UFC1: variants seen among roughly 807,000 people sequenced by gnomAD.
The protein encoded by UFC1 is ubiquitin-fold modifier-conjugating enzyme 1.
In UFC1, 22 loss-of-function variants were observed where a neutral mutation model predicts 28.0. That is an observed-to-expected ratio of 0.78 (90% CI 0.56 to 1.12). The LOEUF is 1.12. Ranked by LOEUF, UFC1 falls within the 50% of genes most tolerant of loss-of-function variation. The pLI is 0.00. For synonymous variants in UFC1, 61 were observed against 74.5 expected (o/e 0.82, Z 0.93); for missense variants, 189 against 207.8 (o/e 0.91, Z 0.56).
intron 1 of UFC1, 129 bp from the exon 2 acceptor site, chr1:161,156,821 G>T (rs989031880): frequency 1.2e-6 from 1 of 808,354 alleles, no homozygotes; most frequent in East Asian, 2.6e-5. Context: ...CAGCCTGTGC[G>T]ACGGGAGCGA....
chr1:161,156,636 G>A (rs1657514332), intron 1 of UFC1, among the ~76,000 whole-genome samples: 1 of 151,602 alleles, frequency 6.6e-6, no homozygotes, highest in African/African-American at 2.4e-5. Flanking sequence ...GGGGTCAGGA[G>A]TTCGAGACCA....
intron 4 of UFC1, 35 bp from the exon 5 acceptor site, chr1:161,158,086 T>TGCATGTCAACA (rs757596951): frequency 3.8e-6 from 6 of 1,580,522 alleles, no homozygotes; most frequent in Non-Finnish European, 5.2e-6. Context: ...TGGTAAACTT[T>TGCATGTCAACA]GCATGTCAAC....
In UFC1 at chr1:161,157,609, T is replaced by C. The variant is rs754867807; in HGVS notation, c.256-8T>C. The C allele has an allele frequency of 6.2e-7, 1 of 1,612,010 alleles. No individual in the cohort carries two copies. Among genetic ancestry groups the C allele is most frequent in the Admixed American group, 1.7e-5 (1 of 60,000 alleles). On this transcript the variant is annotated splice_polypyrimidine_tract_variant and splice_region_variant and intron_variant, in intron 3 of 5. Coordinates refer to ENST00000368003, the MANE Select transcript of UFC1 (RefSeq NM_016406.4). Reference sequence around the variant, plus strand: ...TTCTGTTTTATTAAGGTTTTATAATTTCTCCAGATTCCTATCACATATCCT... The same window carrying C: ...TTCTGTTTTATTAAGGTTTTATAATCTCTCCAGATTCCTATCACATATCCT...
chr1:161,156,823 C>T (rs1021570122), intron 1 of UFC1, 127 bp from the exon 2 acceptor site: 20 of 819,876 alleles, frequency 2.4e-5, no homozygotes, highest in Non-Finnish European at 3.1e-5. Context: ...GCCTGTGCGA[C>T]GGGAGCGAGA....
Position 161,158,168 on chromosome 1 carries a change from G to A in UFC1, c.380G>A (p.Arg127Lys). 6.2e-7 allele frequency: 1 copy of A among 1,614,178 alleles called. No homozygotes were observed. The highest frequency in any genetic ancestry group is 8.5e-7 in the Non-Finnish European group (1 of 1,180,030). Reference protein sequence around the residue: ...LTDHFKPLWARNVPKFGLAHL... With the variant: ...LTDHFKPLWAKNVPKFGLAHL... ...GATCATTTCAAACCTTTGTGGGCCAGGAATGTGCCCAAATTTGGACTAGCT... is the reference window on the plus strand; with the variant it reads ...GATCATTTCAAACCTTTGTGGGCCAAGAATGTGCCCAAATTTGGACTAGCT... The change falls in exon 5 of 6, where the codon AGG becomes AAG. Residue 127 changes from arginine (R) to lysine (K), a missense_variant. Transcript: ENST00000368003.
At chr1:161,157,194 G>T (rs1657540301) in intron 2 of UFC1, 60 bp from the exon 3 acceptor site, 5 of 1,607,878 alleles carry the variant, frequency 3.1e-6, no homozygotes, top group Admixed American at 1.7e-5. Context: ...CCTAAGCCAA[G>T]ATATCATTTG....
At chr1:161,157,538 C>T in intron 3 of UFC1, 79 bp from the exon 4 acceptor site, 1 of 1,451,668 alleles carries the variant, frequency 6.9e-7, no homozygotes, top group Non-Finnish European at 9.6e-7. Flanking sequence ...TTCAGTTTAA[C>T]CAAGAAATAT....
In UFC1 at chr1:161,158,443, A is replaced by G; in HGVS notation, c.455A>G (p.Asp152Gly). Residue 152 changes from aspartate to glycine, a missense_variant, in exon 6 of 6, where the codon GAT becomes GGT. Physicochemically the swap from Asp to Gly is moderately conservative, Grantham distance 94 (BLOSUM62 -1). Coordinates refer to ENST00000368003, the MANE Select transcript of UFC1 (RefSeq NM_016406.4). ...LGPWLAVEIP[D>G]LIQKGVIQHK... Reference sequence around the variant, plus strand: ...CCATGGCTGGCAGTGGAAATCCCTGATCTGATTCAGAAGGGCGTCATCCAA... The same window carrying G: ...CCATGGCTGGCAGTGGAAATCCCTGGTCTGATTCAGAAGGGCGTCATCCAA... The G allele has an allele frequency of 6.2e-7, 1 of 1,614,188 alleles. No individual in the cohort carries two copies. The highest frequency in any genetic ancestry group is 8.5e-7 in the Non-Finnish European group (1 of 1,180,032).
In UFC1 at chr1:161,158,824, A is replaced by C. The variant is rs376494659; in HGVS notation, c.*332A>C. ...CATATAGTCTTTCTGGTTTCTGGAGATAACCCATCAATAAAAGCTGCTTCC... is the reference window on the plus strand; with the variant it reads ...CATATAGTCTTTCTGGTTTCTGGAGCTAACCCATCAATAAAAGCTGCTTCC... On this transcript the variant is annotated 3_prime_UTR_variant, in exon 6 of 6. Transcript: ENST00000368003. 2 of 276,594 alleles carry C rather than the reference A, an allele frequency of 7.2e-6. No individual in the cohort carries two copies. Among genetic ancestry groups the C allele is most frequent in the Admixed American group, 4.4e-5 (1 of 22,586 alleles). 17.1% of individuals were successfully genotyped at this position (276,594 alleles called of 1,614,324 possible).
At chr1:161,154,403 G>A (rs1657449761) in intron 1 of UFC1, among the ~76,000 whole-genome samples, 1 of 152,154 alleles carries the variant, frequency 6.6e-6, no homozygotes, top group Admixed American at 6.5e-5. Context: ...CTGGCTACAG[G>A]TGTTTGTTCA....
intron 1 of UFC1, among the ~76,000 whole-genome samples, chr1:161,155,831 A>G (rs1657490737): frequency 6.6e-6 from 1 of 152,258 alleles, no homozygotes; most frequent in African/African-American, 2.4e-5. Context: ...AGTGTATCCA[A>G]AGGAATATAA....
chr1:161,156,820 C>A (rs1392468541), intron 1 of UFC1, 130 bp from the exon 2 acceptor site: 4 of 791,896 alleles, frequency 5.1e-6, no homozygotes, highest in African/African-American at 1.7e-5. Context: ...CCAGCCTGTG[C>A]GACGGGAGCG....
intron 1 of UFC1, among the ~76,000 whole-genome samples, chr1:161,154,606 T>G (rs936468680): frequency 6.6e-6 from 1 of 152,114 alleles, no homozygotes; most frequent in African/African-American, 2.4e-5. Flanking sequence ...TGCCTCAGCC[T>G]CCTGAGTAGC....
intron 2 of UFC1, 107 bp from the exon 3 acceptor site, chr1:161,157,147 C>T: frequency 6.5e-7 from 1 of 1,528,890 alleles, no homozygotes; most frequent in Non-Finnish European, 9.1e-7. Context: ...CGCCAGAGTT[C>T]CCCAGTTCCC....
At position 161,157,471 on chromosome 1, in the gene UFC1, A is replaced by G; in HGVS notation, c.256-146A>G. ...AGGCAAGCATAAGTTATATTTACTC[A>G]TCTCCACATCCAGAATCCTGGTATG... On this transcript the variant is annotated intron_variant, in intron 3 of 5. Coordinates refer to ENST00000368003, the MANE Select transcript of UFC1 (RefSeq NM_016406.4). 3 of 1,253,718 alleles carry G rather than the reference A, an allele frequency of 2.4e-6. No homozygotes were observed. The South Asian group carries it at 3.9e-5, about 16-fold the overall frequency. 77.7% of individuals were successfully genotyped at this position (1,253,718 alleles called of 1,614,324 possible). A position where few individuals can be genotyped will look rare whatever the true frequency, so the allele number is the denominator to read the frequency against.
In UFC1 at chr1:161,156,867, T is replaced by A. The variant is rs549181864; in HGVS notation, c.124-83T>A. ...CAATAAAAATAAAAAATAAAAAAAATAACCACATACTTTTCTTTTGAGGAG... is the reference window on the plus strand; with the variant it reads ...CAATAAAAATAAAAAATAAAAAAAAAAACCACATACTTTTCTTTTGAGGAG... On this transcript the variant is annotated intron_variant, in intron 1 of 5. Coordinates refer to ENST00000368003, the MANE Select transcript of UFC1 (RefSeq NM_016406.4). 5 of 1,208,216 alleles carry A rather than the reference T, an allele frequency of 4.1e-6. No individual in the cohort carries two copies. In the East Asian group the frequency reaches 7.1e-5, roughly 17 times the overall value. 74.8% of individuals were successfully genotyped at this position (1,208,216 alleles called of 1,614,324 possible).
At chr1:161,155,711 G>C (rs543627727) in intron 1 of UFC1, among the ~76,000 whole-genome samples, 1 of 152,328 alleles carries the variant, frequency 6.6e-6, no homozygotes, top group East Asian at 1.9e-4. Context: ...GCATAACATG[G>C]ATTAGTGTAG....
intron 1 of UFC1, 126 bp from the exon 2 acceptor site, chr1:161,156,824 G>A (rs1329690781): frequency 1.6e-5 from 13 of 820,398 alleles, no homozygotes; most frequent in South Asian, 1.4e-4. Context: ...CCTGTGCGAC[G>A]GGAGCGAGAT....
chr1:161,154,872 G>A (rs932926257), intron 1 of UFC1, among the ~76,000 whole-genome samples: 1 of 152,212 alleles, frequency 6.6e-6, no homozygotes, highest in African/African-American at 2.4e-5. Context: ...TTAGCTCATA[G>A]TTAGAAACGG....
Sources: gnomAD v4.1 joint callset for allele counts (sites outside exome capture counted in the v4.1 genomes callset) on GRCh38, gnomAD v4.1.1 for gene constraint, MANE v1.5 for transcripts, NCBI Gene and HGNC (gene_info 2026-07-23, HGNC 2026-07-21) for gene names.